TTLL7: variants seen among roughly 807,000 people sequenced by gnomAD.
TTLL7 encodes the protein tubulin tyrosine ligase like 7.
Under a neutral mutation model 120.2 loss-of-function variants are expected in TTLL7, and 53 were observed. That is an observed-to-expected ratio of 0.44 (90% CI 0.35 to 0.55). The LOEUF (loss-of-function observed/expected upper bound fraction) is 0.55, where lower values mean the gene tolerates loss of function less well. TTLL7 is among the 20% of genes least tolerant of loss of function. The probability of loss-of-function intolerance (pLI) is 0.00; values close to 1 mark genes in which losing one functional copy is unlikely to be tolerated. For synonymous variants in TTLL7, 353 were observed against 351.7 expected, an observed-to-expected ratio of 1.00 and a Z score of -0.04; for missense variants, 803 against 1,054.7, an observed-to-expected ratio of 0.76 and a Z score of 3.31.
At chr1:83,880,325 T>A (rs748023307) in intron 20 of TTLL7, 38 of 152,162 alleles carry the variant, frequency 2.5e-4, no homozygotes, top group Non-Finnish European at 1.5e-4. Flanking sequence ...AGAGGTTAAA[T>A]GTCTTGCAAT....
intron 6 of TTLL7, chr1:83,946,059 T>A (rs1042513686): frequency 6.6e-6 from 1 of 152,162 alleles, no homozygotes; most frequent in Non-Finnish European, 1.5e-5. Context: ...AAATGACTCA[T>A]GTATTTTTTT....
chr1:83,888,214 T>C (rs901492083), intron 19 of TTLL7, among the ~76,000 whole-genome samples: 5 of 152,084 alleles, frequency 3.3e-5, no homozygotes, highest in South Asian at 2.1e-4. Flanking sequence ...CTGGGATTCA[T>C]ATATAGCATC....
rs547232188 is a variant in TTLL7, at chr1:83,987,453, A to C, written c.-177+11478T>G. ...TTAAGTTACAACAACAAAATTCTAC[A>C]TTAGATAGATTTTTTTAAAGTGGCT... On this transcript the variant is annotated intron_variant, in intron 1 of 20. Transcript: ENST00000260505. Among the ~76,000 whole-genome samples the C allele has an allele frequency of 2.0e-5, 3 of 152,276 alleles. No homozygotes were observed. The South Asian group carries it at 6.2e-4, about 32-fold the overall frequency.
chr1:83,947,011 T>C, intron 6 of TTLL7, 113 bp downstream of exon 6: 1 of 802,426 alleles, frequency 1.2e-6, no homozygotes, highest in Non-Finnish European at 1.8e-6. Flanking sequence ...GTTAGAAACC[T>C]ATTTCGTTAT....
At chr1:83,870,392 CCAGT>C (rs1409515918) in intron 20 of TTLL7, among the ~76,000 whole-genome samples, 4 of 152,210 alleles carry the variant, frequency 2.6e-5, no homozygotes, top group African/African-American at 4.8e-5. Flanking sequence ...ATATGTGGAG[CCAGT>C]CAAATATTTC....
intron 1 of TTLL7, among the ~76,000 whole-genome samples, chr1:83,989,739 C>T (rs1652809150): frequency 6.6e-6 from 1 of 152,106 alleles, no homozygotes. Context: ...ATAAGTATAG[C>T]ACTGAATCTG....
chr1:83,889,275 G>C (rs1050585179), intron 19 of TTLL7, among the ~76,000 whole-genome samples: 5 of 151,972 alleles, frequency 3.3e-5, no homozygotes, highest in African/African-American at 1.2e-4. Context: ...CAGCAGCATG[G>C]GGGTAACCAT....
At chr1:83,938,040 T>A in intron 7 of TTLL7, 24 bp from the exon 8 acceptor site, 1 of 1,612,330 alleles carries the variant, frequency 6.2e-7, no homozygotes, top group South Asian at 1.1e-5. Context: ...GAACCAAAGT[T>A]GTTACCACCT....
At chr1:83,951,135 G>A (rs1377853932) in intron 3 of TTLL7, among the ~76,000 whole-genome samples, 3 of 152,136 alleles carry the variant, frequency 2.0e-5, no homozygotes, top group East Asian at 1.9e-4. Context: ...GGATAACGAG[G>A]TCAGGAGATA....
chr1:83,996,004 T>C (rs914217771), intron 1 of TTLL7, among the ~76,000 whole-genome samples: 3 of 152,086 alleles, frequency 2.0e-5, no homozygotes, highest in Non-Finnish European at 2.9e-5. Context: ...TTATAGAATT[T>C]TAAATTTAAA....
intron 18 of TTLL7, among the ~76,000 whole-genome samples, chr1:83,892,878 G>A (rs1655831758): frequency 1.1e-5 from 1 of 89,046 alleles, no homozygotes; most frequent in Non-Finnish European, 2.4e-5. Flanking sequence ...ATAAAGAAAA[G>A]AGCAAAAAGA....
chr1:83,967,663 C>T (rs939449810), intron 1 of TTLL7, among the ~76,000 whole-genome samples: 7 of 151,910 alleles, frequency 4.6e-5, no homozygotes, highest in African/African-American at 1.7e-4. Context: ...GAACTAAGAC[C>T]CCTTTTCACT....
At chr1:83,948,200 C>T (rs1648701082) in intron 5 of TTLL7, among the ~76,000 whole-genome samples, 1 of 151,878 alleles carries the variant, frequency 6.6e-6, no homozygotes, top group African/African-American at 2.4e-5. Flanking sequence ...CACACACACA[C>T]ACACACACAC....
chr1:83,878,006 A>T lies in TTLL7; in HGVS notation c.2543+4957T>A, dbSNP rs367610794. On this transcript the variant is annotated intron_variant, in intron 20 of 20. Transcript: ENST00000260505. ...GATTTAGCCATATTCTACAAGTTTC[A>T]TTTCTAATATTTTTGTTATCACTTA... Among the ~76,000 whole-genome samples, 724 of 151,840 alleles carry T rather than the reference A, an allele frequency of 4.8e-3. 13 individuals carry two copies. The highest frequency in any genetic ancestry group is 0.017 in the Middle Eastern group (5 of 292).
At chr1:83,969,502 C>T (rs1016078125) in intron 1 of TTLL7, among the ~76,000 whole-genome samples, 7 of 151,878 alleles carry the variant, frequency 4.6e-5, no homozygotes, top group Admixed American at 1.3e-4. Flanking sequence ...TAGTCTCCTT[C>T]TTTGAAGGTG....
At chr1:83,993,016 A>G (rs1456644489) in intron 1 of TTLL7, among the ~76,000 whole-genome samples, 1 of 152,144 alleles carries the variant, frequency 6.6e-6, no homozygotes, top group Admixed American at 6.5e-5. Flanking sequence ...CAATAATAGT[A>G]ATGACAAAAT....
chr1:83,934,738 C>G (rs1013190586), intron 8 of TTLL7, among the ~76,000 whole-genome samples: 54 of 152,128 alleles, frequency 3.5e-4, no homozygotes, highest in Non-Finnish European at 7.1e-4. Flanking sequence ...AGTTAAGAAC[C>G]TGGCTCTAAA....
chr1:83,906,721 G>A (rs1657229627), intron 16 of TTLL7, among the ~76,000 whole-genome samples: 1 of 151,776 alleles, frequency 6.6e-6, no homozygotes, highest in Non-Finnish European at 1.5e-5. Context: ...ACTTAAAAAG[G>A]ACTTCCTGGT....
intron 1 of TTLL7, among the ~76,000 whole-genome samples, chr1:83,966,253 C>T (rs1650455054): frequency 6.6e-6 from 1 of 152,070 alleles, no homozygotes; most frequent in African/African-American, 2.4e-5. Context: ...GCTGCAACAT[C>T]AGTTCTTCCC....
Sources: gnomAD v4.1 joint callset for allele counts (sites outside exome capture counted in the v4.1 genomes callset) on GRCh38, gnomAD v4.1.1 for gene constraint, MANE v1.5 for transcripts, NCBI Gene and HGNC (gene_info 2026-07-23, HGNC 2026-07-21) for gene names.